SEC24B: variants seen among roughly 807,000 people sequenced by gnomAD.
The protein encoded by SEC24B is protein transport protein Sec24B.
SEC24B carries 45 observed loss-of-function variants against 142.8 expected under a neutral mutation model. That is an observed-to-expected ratio of 0.32 (90% confidence interval 0.25 to 0.40). SEC24B has a LOEUF of 0.40. Among genes scored for constraint, SEC24B ranks in the 10% least tolerant of loss-of-function variants. SEC24B has a pLI of 1.00. For missense variants in SEC24B, 1,409 were observed against 1,526.8 expected (o/e 0.92, Z 1.29); for synonymous variants, 574 against 568.2 (o/e 1.01, Z -0.15).
intron 1 of SEC24B, among the ~76,000 whole-genome samples, chr4:109,450,033 A>G (rs1191273861): frequency 2.6e-5 from 4 of 151,546 alleles, no homozygotes; most frequent in African/African-American, 9.7e-5. Flanking sequence ...TGGCTAACAT[A>G]GACCTTGTTT....
At chr4:109,479,126 T>G (rs1296993749) in intron 3 of SEC24B, among the ~76,000 whole-genome samples, 1 of 152,222 alleles carries the variant, frequency 6.6e-6, no homozygotes, top group Non-Finnish European at 1.5e-5. Flanking sequence ...GAGGGTACTT[T>G]AATGGTTGGT....
At chr4:109,503,235 T>TG (rs1186694229) in intron 6 of SEC24B, among the ~76,000 whole-genome samples, 2 of 150,898 alleles carry the variant, frequency 1.3e-5, no homozygotes, top group Non-Finnish European at 3.0e-5. Context: ...AATTTTTTTT[T>TG]TTTTTTGAGT....
At position 109,522,603 on chromosome 4, in the gene SEC24B, C is replaced by G. The variant is rs1723766944; in HGVS notation, c.2508+977C>G. On this transcript the variant is annotated intron_variant, in intron 14 of 23. Transcript: ENST00000265175. ...TGTAACTATTGTAATTCAACATGCT[C>G]ATACTAATAAACTTTTTAATTATGA... Among the ~76,000 whole-genome samples, 2 of 152,176 alleles carry G rather than the reference C, an allele frequency of 1.3e-5. 1 individual carries two copies. The highest frequency in any genetic ancestry group is 4.1e-4 in the South Asian group (2 of 4,828).
At position 109,433,837 on chromosome 4, in the gene SEC24B, T is replaced by A; in HGVS notation, c.-33T>A. On this transcript the variant is annotated 5_prime_UTR_variant, in exon 1 of 24. Transcript: ENST00000265175. ...CTTCCCTTCCCTCCGCCCACCTCCC[T>A]GAAGCGGAGCCGCCGTCGCCACCAG... 1 of 1,272,096 alleles carries A rather than the reference T, an allele frequency of 7.9e-7. No homozygotes were observed. Among genetic ancestry groups the A allele is most frequent in the Non-Finnish European group, 9.9e-7 (1 of 1,007,942 alleles). The allele number at this position is 1,272,096 out of a possible 1,614,324, so 78.8% of individuals were successfully genotyped here. A position where few individuals can be genotyped will look rare whatever the true frequency, so the allele number is the denominator to read the frequency against.
chr4:109,513,771 C>T lies in SEC24B; in HGVS notation c.1928C>T (p.Pro643Leu). ...NDVPEEFMYN[P>L]LTRSYGEPHK... ...GTTCCTGAAGAATTTATGTATAACCCCCTTACCCGATCTTATGGAGAGCCT... is the reference window on the plus strand; with the variant it reads ...GTTCCTGAAGAATTTATGTATAACCTCCTTACCCGATCTTATGGAGAGCCT... The change falls in exon 10 of 24, where the codon CCC (proline) becomes CTC (leucine). Residue 643 changes from proline (P) to leucine (L), a missense_variant. Pro to Leu is a moderately conservative substitution (Grantham distance 98). Transcript: ENST00000265175. 2 of 1,612,090 alleles carry T rather than the reference C, an allele frequency of 1.2e-6. No homozygotes were observed. The highest frequency in any genetic ancestry group is 1.3e-5 in the African/African-American group (1 of 74,930).
intron 4 of SEC24B, among the ~76,000 whole-genome samples, chr4:109,488,161 A>G (rs1394643938): frequency 6.6e-6 from 1 of 152,154 alleles, no homozygotes; most frequent in Non-Finnish European, 1.5e-5. Flanking sequence ...GCTGTTCTGC[A>G]GTTTTTAGCA....
intron 5 of SEC24B, 82 bp from the exon 6 acceptor site, chr4:109,494,531 CAG>C: frequency 6.5e-7 from 1 of 1,545,198 alleles, no homozygotes; most frequent in Non-Finnish European, 8.8e-7. Flanking sequence ...AAGGAAATGT[CAG>C]GGGTTATGGA....
At chr4:109,487,176 A>AT (rs1734454025) in intron 4 of SEC24B, among the ~76,000 whole-genome samples, 1 of 151,974 alleles carries the variant, frequency 6.6e-6, no homozygotes, top group East Asian at 1.9e-4. Flanking sequence ...AAAAAAAAAA[A>AT]AAAAAAAAGA....
intron 18 of SEC24B, among the ~76,000 whole-genome samples, chr4:109,528,135 G>A (rs1297036100): frequency 6.6e-6 from 1 of 152,134 alleles, no homozygotes; most frequent in Non-Finnish European, 1.5e-5. Context: ...GGTGGCTCAT[G>A]CCTGTAATGA....
chr4:109,470,197 A>G (rs1578827087), intron 2 of SEC24B, among the ~76,000 whole-genome samples: 1 of 152,198 alleles, frequency 6.6e-6, no homozygotes, highest in African/African-American at 2.4e-5. Flanking sequence ...GCATTAGTAG[A>G]TTGAAAATAA....
In SEC24B at chr4:109,538,481, T is replaced by G; in HGVS notation, c.3589-12T>G. On this transcript the variant is annotated splice_polypyrimidine_tract_variant and intron_variant, in intron 22 of 23. Coordinates refer to ENST00000265175, the MANE Select transcript of SEC24B (RefSeq NM_006323.5). ...AGAAAGGAAAGTTTCCTAATTGTAT[T>G]TCTTTTACCAGACACATCTTCCAGA... 6.3e-7 allele frequency: 1 copy of G among 1,578,070 alleles called. No individual in the cohort carries two copies. Among genetic ancestry groups the G allele is most frequent in the Non-Finnish European group, 8.7e-7 (1 of 1,147,828 alleles).
At chr4:109,502,540 A>G (rs1024522588) in intron 6 of SEC24B, among the ~76,000 whole-genome samples, 1 of 152,128 alleles carries the variant, frequency 6.6e-6, no homozygotes, top group Non-Finnish European at 1.5e-5. Context: ...ATGCCAGTGG[A>G]TTGGATGTGG....
intron 6 of SEC24B, among the ~76,000 whole-genome samples, chr4:109,497,504 A>G (rs1425151439): frequency 6.6e-6 from 1 of 152,130 alleles, no homozygotes; most frequent in Non-Finnish European, 1.5e-5. Flanking sequence ...GAGCATCATA[A>G]AGCCAAAATA....
intron 11 of SEC24B, among the ~76,000 whole-genome samples, chr4:109,518,558 A>G (rs527330750): frequency 6.6e-6 from 1 of 152,272 alleles, no homozygotes; most frequent in South Asian, 2.1e-4. Context: ...CATATCACTG[A>G]TCTTGGCCTG....
chr4:109,493,761 T>C (rs567002783), intron 5 of SEC24B, among the ~76,000 whole-genome samples: 1 of 152,064 alleles, frequency 6.6e-6, no homozygotes, highest in African/African-American at 2.4e-5. Flanking sequence ...CATGCTCAGC[T>C]AATTTTTGTA....
Position 109,483,519 on chromosome 4 carries a change from T to A in SEC24B, c.1165+1738T>A, listed in dbSNP as rs1038290806. On this transcript the variant is annotated intron_variant, in intron 4 of 23. Coordinates refer to ENST00000265175, the MANE Select transcript of SEC24B (RefSeq NM_006323.5). Reference sequence around the variant, plus strand: ...TTGGATTTTGAAGCATTTAAGATTTTGGATTTTCACATTAGGGACTCTCAA... The same window carrying A: ...TTGGATTTTGAAGCATTTAAGATTTAGGATTTTCACATTAGGGACTCTCAA... Among the ~76,000 whole-genome samples the A allele has an allele frequency of 7.9e-5, 12 of 151,904 alleles. No homozygotes were observed. The South Asian group carries it at 1.0e-3, about 13-fold the overall frequency.
chr4:109,539,597 TTTGA>T lies in SEC24B; in HGVS notation c.3734_3737del (p.Ile1245LysfsTer27). On this transcript the variant is annotated frameshift_variant, in exon 24 of 24. Transcript: ENST00000265175. LOFTEE classifies it high-confidence loss of function. ...CTGCCAAAGCAGAATTTTTTCAGCA[TTTGA>T]TTGAAGACCGGACAGAGGCTGCATT... 1.9e-6 allele frequency: 3 copies of T among 1,613,964 alleles called. No individual in the cohort carries two copies. Among genetic ancestry groups the T allele is most frequent in the Non-Finnish European group, 2.5e-6 (3 of 1,179,906 alleles).
chr4:109,452,912 A>C (rs1578778581), intron 1 of SEC24B, among the ~76,000 whole-genome samples: 1 of 152,204 alleles, frequency 6.6e-6, no homozygotes, highest in Admixed American at 6.5e-5. Flanking sequence ...TATCGGGGGA[A>C]CCCGCCTCCA....
At chr4:109,512,149 C>A in intron 9 of SEC24B, 66 bp downstream of exon 9, 1 of 1,401,054 alleles carries the variant, frequency 7.1e-7, no homozygotes, top group South Asian at 1.3e-5. Context: ...AGATTTTTGT[C>A]ATCTCCTGGT....
Sources: gnomAD v4.1 joint callset for allele counts (sites outside exome capture counted in the v4.1 genomes callset) on GRCh38, gnomAD v4.1.1 for gene constraint, MANE v1.5 for transcripts, NCBI Gene and HGNC (gene_info 2026-07-23, HGNC 2026-07-21) for gene names.